The following TMEM67 variants were observed in gnomAD, a reference collection of about 807,000 sequenced individuals.
The protein encoded by TMEM67 is transmembrane protein 67.
TMEM67 carries 124 observed loss-of-function variants against 136.6 expected under a neutral mutation model. The ratio of observed to expected loss-of-function variants is 0.91; its 90% CI spans 0.78 to 1.05. The LOEUF (loss-of-function observed/expected upper bound fraction) is 1.05. Among genes scored for constraint, TMEM67 ranks in the 50% least tolerant of loss-of-function variants. The pLI is 0.00. For missense variants in TMEM67, 1,107 were observed against 1,178.4 expected, an observed-to-expected ratio of 0.94 and a Z score of 0.89; for synonymous variants, 364 against 390.5, an observed-to-expected ratio of 0.93 and a Z score of 0.80.
At chr8:93,811,543 T>G (rs1808699912) in intron 26 of TMEM67, among the ~76,000 whole-genome samples, 1 of 152,194 alleles carries the variant, frequency 6.6e-6, no homozygotes, top group African/African-American at 2.4e-5. Context: ...AAAAAAATTT[T>G]TTTTTATTTT....
chr8:93,802,721 G>GC (rs1814920325), intron 21 of TMEM67, among the ~76,000 whole-genome samples: 1 of 152,142 alleles, frequency 6.6e-6, no homozygotes, highest in African/African-American at 2.4e-5. Flanking sequence ...TTTAAACCTT[G>GC]AATATTGCTG....
At chr8:93,828,520 G>T in the TMEM67 span, among the ~76,000 whole-genome samples, 1 of 152,172 alleles carries the variant, frequency 6.6e-6, no homozygotes, top group African/African-American at 2.4e-5. Context: ...TGGGTGGATT[G>T]CTTGAGGTCA....
At chr8:93,812,004 C>T (rs1436603526) in intron 26 of TMEM67, among the ~76,000 whole-genome samples, 1 of 151,774 alleles carries the variant, frequency 6.6e-6, no homozygotes, top group Non-Finnish European at 1.5e-5. Flanking sequence ...ACAAAATTAG[C>T]CGGGCATGGT....
intron 25 of TMEM67, 112 bp from the exon 26 acceptor site, chr8:93,809,673 T>A: frequency 1.5e-6 from 1 of 675,530 alleles, no homozygotes; most frequent in South Asian, 1.8e-5. Context: ...GAAGAACAGA[T>A]TTTCTTTATA....
chr8:93,780,724 C>T lies in TMEM67; in HGVS notation c.846C>T (p.Ser282=), dbSNP rs1813782763. ...TCTTTGAAAATACTGCTGGACTGAG[C>T]ACTGTTCATTCTATTTCATTTTGGT... ...QFIFENTAGL[S]TVHSISFWRQ... is the part of the protein sequence containing the mutation. Residue 282 remains serine, a synonymous_variant, in exon 8 of 28, where the codon AGC becomes AGT. Transcript: ENST00000453321. 2 of 1,613,922 alleles carry T rather than the reference C, an allele frequency of 1.2e-6. No homozygotes were observed. Among genetic ancestry groups the T allele is most frequent in the Non-Finnish European group, 1.7e-6 (2 of 1,180,004 alleles).
In TMEM67 at chr8:93,793,153, A is replaced by G. The variant is rs761577906; in HGVS notation, c.1576-45A>G. The G allele has an allele frequency of 3.2e-6, 5 of 1,551,290 alleles. No individual in the cohort carries two copies. The South Asian group carries it at 5.6e-5, about 17-fold the overall frequency. Reference sequence around the variant, plus strand: ...TTGTTCACAGTGTTTTTGAACACCGATGACAGAAATTACATAAATTCTCAA... The same window carrying G: ...TTGTTCACAGTGTTTTTGAACACCGGTGACAGAAATTACATAAATTCTCAA... On this transcript the variant is annotated intron_variant, in intron 15 of 27. Coordinates refer to ENST00000453321, the MANE Select transcript of TMEM67 (RefSeq NM_153704.6).
At chr8:93,790,139 A>AT (rs1814312198) in intron 14 of TMEM67, among the ~76,000 whole-genome samples, 1 of 152,204 alleles carries the variant, frequency 6.6e-6, no homozygotes, top group Non-Finnish European at 1.5e-5. Context: ...ATTATAAAAT[A>AT]TACAATTCTT....
At position 93,811,585 on chromosome 8, in the gene TMEM67, C is replaced by T. The variant is rs566668048; in HGVS notation, c.2764+1698C>T. ...CCACAAGATGTATATAAGTTGATCACGGAGGTGTGAAAAGAAAATATTAAA... is the reference window on the plus strand; with the variant it reads ...CCACAAGATGTATATAAGTTGATCATGGAGGTGTGAAAAGAAAATATTAAA... On this transcript the variant is annotated intron_variant, in intron 26 of 27. Transcript: ENST00000453321. 1.0e-3 allele frequency among the ~76,000 whole-genome samples: 156 copies of T among 152,052 alleles called. 1 individual carries two copies. The highest frequency in any genetic ancestry group is 3.8e-3 in the Admixed American group (58 of 15,270).
At chr8:93,758,387 C>T in intron 2 of TMEM67, 96 bp from the exon 3 acceptor site, 2 of 863,044 alleles carry the variant, frequency 2.3e-6, no homozygotes, top group Non-Finnish European at 3.8e-6. Flanking sequence ...TGAATATTCA[C>T]TGTAGTTACA....
rs748672318 is a variant in TMEM67, at chr8:93,758,510, T to C, written c.340T>C (p.Cys114Arg). Residue 114 changes from cysteine to arginine, a missense_variant, in exon 3 of 28, where the codon TGC (cysteine) becomes CGC (arginine). Coordinates refer to ENST00000453321, the MANE Select transcript of TMEM67 (RefSeq NM_153704.6). ...MKGVTEDGWNCISCPSDLTAE... is the reference protein window; with the variant it reads ...MKGVTEDGWNRISCPSDLTAE... Reference sequence around the variant, plus strand: ...AGGTGTTACAGAAGATGGCTGGAACTGCATTTCTTGCCCTAGTGACTTAAC... The same window carrying C: ...AGGTGTTACAGAAGATGGCTGGAACCGCATTTCTTGCCCTAGTGACTTAAC... 6.2e-7 allele frequency: 1 copy of C among 1,613,938 alleles called. No homozygotes were observed. The highest frequency in any genetic ancestry group is 8.5e-7 in the Non-Finnish European group (1 of 1,179,900).
At chr8:93,809,034 T>A in intron 24 of TMEM67, 23 bp from the exon 25 acceptor site, 1 of 1,556,352 alleles carries the variant, frequency 6.4e-7, no homozygotes, top group Non-Finnish European at 8.9e-7. Flanking sequence ...ACACTTTGTA[T>A]TCATTTCTCT....
chr8:93,815,370 C>T lies in TMEM67; in HGVS notation c.2830C>T (p.Leu944=). Residue 944 remains leucine, a synonymous_variant, in exon 27 of 28, where the codon CTG becomes TTG. Transcript: ENST00000453321. ...TGAAGCTACTCTTCTTATTTTTGAT[C>T]TGCTGTTCTTCTGTGTTGTGGATTT... is the stretch of plus-strand genomic sequence containing the variant. The part of the protein sequence containing the change: ...GNEATLLIFD[L]LFFCVVDLAC... The T allele has an allele frequency of 6.2e-7, 1 of 1,611,998 alleles. No homozygotes were observed. The highest frequency in any genetic ancestry group is 8.5e-7 in the Non-Finnish European group (1 of 1,178,734).
At chr8:93,776,242 A>G (rs763409792) in intron 7 of TMEM67, among the ~76,000 whole-genome samples, 1 of 152,128 alleles carries the variant, frequency 6.6e-6, no homozygotes, top group Non-Finnish European at 1.5e-5. Flanking sequence ...CAGCTTAAGG[A>G]GATTTGGGGC....
chr8:93,777,086 GTA>G (rs1350489937), intron 7 of TMEM67, among the ~76,000 whole-genome samples: 5 of 152,138 alleles, frequency 3.3e-5, no homozygotes, highest in Admixed American at 3.3e-4. Context: ...TTGGGAGGGT[GTA>G]TGTGTCGAGG....
chr8:93,813,107 G>T (rs548859525), intron 26 of TMEM67, among the ~76,000 whole-genome samples: 1 of 151,836 alleles, frequency 6.6e-6, no homozygotes, highest in African/African-American at 2.4e-5. Context: ...TTTCTCCTTT[G>T]TTCCTTCTCC....
At chr8:93,791,182 C>T in intron 14 of TMEM67, 81 bp from the exon 15 acceptor site, 11 of 944,178 alleles carry the variant, frequency 1.2e-5, no homozygotes. Context: ...TAAAACCCAG[C>T]TACAAATGTA....
Position 93,810,386 on chromosome 8 carries a change from G to C in TMEM67, c.2764+499G>C, listed in dbSNP as rs189186210. Among the ~76,000 whole-genome samples, 1,041 of 151,870 alleles carry C rather than the reference G, an allele frequency of 6.9e-3. 10 individuals are homozygous for C. The highest frequency in any genetic ancestry group is 9.3e-3 in the Admixed American group (142 of 15,266). Reference sequence around the variant, plus strand: ...ACCTGAGGTCAGGGGTTCCAGACCAGCCTGGCCAACATGGTGAAACCCGTC... The same window carrying C: ...ACCTGAGGTCAGGGGTTCCAGACCACCCTGGCCAACATGGTGAAACCCGTC... On this transcript the variant is annotated intron_variant, in intron 26 of 27. Transcript: ENST00000453321.
At chr8:93,819,067 T>G (rs1481957276), downstream of TMEM67, 1 of 451,540 alleles carries the variant, frequency 2.2e-6, no homozygotes, top group South Asian at 1.6e-5. Context: ...CCTCCAAAAG[T>G]GCTGGGATTA....
At chr8:93,781,540 A>C (rs1297717602) in intron 9 of TMEM67, 118 bp from the exon 10 acceptor site, 2 of 534,406 alleles carry the variant, frequency 3.7e-6, no homozygotes, top group Admixed American at 7.0e-5. Context: ...CCTCAAAATA[A>C]AGATAATTGA....
Sources: allele counts gnomAD v4.1 joint callset (sites outside exome capture counted in the v4.1 genomes callset), GRCh38; gene constraint gnomAD v4.1.1; transcripts MANE v1.5; gene names NCBI Gene and HGNC (gene_info 2026-07-23, HGNC 2026-07-21).